The following MMP26 variants were observed in gnomAD, a reference collection of about 807,000 sequenced individuals.
MMP26 encodes matrix metalloproteinase-26.
In MMP26, 33 loss-of-function variants were observed where a neutral mutation model predicts 31.0. The observed-to-expected ratio is 1.06, with a 90% CI of 0.81 to 1.42. The LOEUF (loss-of-function observed/expected upper bound fraction) is 1.42, where lower values mean the gene tolerates loss of function less well. Ranked by LOEUF, MMP26 falls within the 40% of genes most tolerant of loss-of-function variation. The probability of loss-of-function intolerance (pLI) is 0.00; values close to 1 mark genes in which losing one functional copy is unlikely to be tolerated. For synonymous variants in MMP26, 122 were observed against 114.9 expected (o/e 1.06, Z -0.40); for missense variants, 347 against 316.1 (o/e 1.10, Z -0.74).
intron 2 of MMP26, among the ~76,000 whole-genome samples, chr11:4,773,793 C>T (rs989003302): frequency 6.6e-6 from 1 of 152,036 alleles, no homozygotes; most frequent in African/African-American, 2.4e-5. Context: ...TTTGCCCCCA[C>T]CTCACCCCCT....
intron 1 of MMP26, among the ~76,000 whole-genome samples, chr11:4,729,491 C>T (rs1448086771): frequency 6.6e-6 from 1 of 152,136 alleles, no homozygotes; most frequent in African/African-American, 2.4e-5. Flanking sequence ...AACTCCTTGC[C>T]TCACCTTCAG....
chr11:4,839,398 G>A (rs1244475034), intron 2 of MMP26, among the ~76,000 whole-genome samples: 1 of 151,474 alleles, frequency 6.6e-6, no homozygotes, highest in Non-Finnish European at 1.5e-5. Flanking sequence ...CCTAACCCCA[G>A]GCTGCATAGC....
intron 1 of MMP26, chr11:4,723,130 C>T: frequency 6.3e-7 from 1 of 1,589,672 alleles, no homozygotes; most frequent in Non-Finnish European, 8.6e-7. Context: ...GCTCGGACAG[C>T]TTGGAGTTGG....
intron 2 of MMP26, chr11:4,804,149 A>G: frequency 6.2e-7 from 1 of 1,614,152 alleles, no homozygotes; most frequent in Non-Finnish European, 8.5e-7. Flanking sequence ...TGAGTGGAGG[A>G]GGAGAGGACC....
At chr11:4,891,760 C>T (rs1850626437) in intron 2 of MMP26, among the ~76,000 whole-genome samples, 1 of 152,118 alleles carries the variant, frequency 6.6e-6, no homozygotes, top group East Asian at 1.9e-4. Flanking sequence ...AGAAGAGATT[C>T]TTGGATTTTC....
At chr11:4,892,428 C>T (rs1394189968) in intron 2 of MMP26, among the ~76,000 whole-genome samples, 1 of 152,156 alleles carries the variant, frequency 6.6e-6, no homozygotes, top group Non-Finnish European at 1.5e-5. Context: ...ATTTGCATTG[C>T]AACTCTGTTG....
intron 2 of MMP26, among the ~76,000 whole-genome samples, chr11:4,894,183 T>G (rs1850669375): frequency 6.6e-6 from 1 of 152,094 alleles, no homozygotes; most frequent in Non-Finnish European, 1.5e-5. Context: ...GAGATAGGCA[T>G]TAATTTTTAA....
intron 2 of MMP26, among the ~76,000 whole-genome samples, chr11:4,921,498 A>G (rs895086182): frequency 2.0e-5 from 3 of 152,248 alleles, no homozygotes; most frequent in Non-Finnish European, 4.4e-5. Flanking sequence ...GAAACACTGT[A>G]CTAAGAAAAA....
intron 2 of MMP26, chr11:4,946,123 A>G: frequency 6.4e-7 from 1 of 1,554,846 alleles, no homozygotes; most frequent in Non-Finnish European, 8.9e-7. Flanking sequence ...TAAATATCTT[A>G]CCAGACATTT....
In MMP26 at chr11:4,723,910, C is replaced by T. The variant is rs144327280; in HGVS notation, c.-217+18865C>T. The T allele has an allele frequency of 4.2e-3, 4,292 of 1,025,110 alleles. 135 individuals carry two copies. In the African/African-American group the frequency reaches 0.059, roughly 14 times the overall value. The allele number at this position is 1,025,110 out of a possible 1,614,324, so 63.5% of individuals were successfully genotyped here. On this transcript the variant is annotated intron_variant, in intron 1 of 7. Coordinates refer to ENST00000380390, the MANE Select transcript of MMP26 (RefSeq NM_021801.5). ...CTTGATCTGCTCCTTCTCCTGGGTG[C>T]GCATGGCCTGGATGTTGGGATCTAC...
rs3065178 is a variant in MMP26 at position 4,907,095 on chromosome 11, TAAA to T, written c.-144-80955_-144-80953del. Among the ~76,000 whole-genome samples, 37 of 55,128 alleles carry T rather than the reference TAAA, an allele frequency of 6.7e-4. 1 individual carries two copies. The highest frequency in any genetic ancestry group is 1.4e-3 in the African/African-American group (21 of 15,276). 36.2% of individuals were successfully genotyped at this position (55,128 alleles called of 152,430 possible). A position where few individuals can be genotyped will look rare whatever the true frequency, so the allele number is the denominator to read the frequency against. On this transcript the variant is annotated intron_variant, in intron 2 of 7. Transcript: ENST00000380390. The stretch of plus-strand genomic sequence containing the variant: ...TGGGCAACAAGAGCAAAACTCCCTC[TAAA>T]AAAAAAAAAAAAAAAAATCCTAAAA...
intron 2 of MMP26, among the ~76,000 whole-genome samples, chr11:4,842,380 G>T (rs918572595): frequency 6.6e-6 from 1 of 152,138 alleles, no homozygotes; most frequent in African/African-American, 2.4e-5. Context: ...AATTAAAGAG[G>T]TTTCATTGTC....
chr11:4,875,050 A>T (rs1012121371), intron 2 of MMP26: 1 of 152,146 alleles, frequency 6.6e-6, no homozygotes, highest in Non-Finnish European at 1.5e-5. Context: ...CAGTAACCTG[A>T]ACAATGATTG....
intron 2 of MMP26, chr11:4,847,378 C>A (rs994481835): frequency 2.6e-5 from 4 of 152,156 alleles, no homozygotes; most frequent in Middle Eastern, 3.2e-3. Context: ...GTTCACTAAA[C>A]AGATAATTAT....
chr11:4,797,043 T>G (rs1464255439), intron 2 of MMP26, among the ~76,000 whole-genome samples: 3 of 152,116 alleles, frequency 2.0e-5, no homozygotes, highest in Admixed American at 2.0e-4. Flanking sequence ...AACACAGCTT[T>G]CATCATTCAC....
chr11:4,724,355 C>G (rs1848067998), intron 1 of MMP26, among the ~76,000 whole-genome samples: 1 of 152,162 alleles, frequency 6.6e-6, no homozygotes, highest in Admixed American at 6.5e-5. Context: ...CTTGTGACCT[C>G]CTGGTTAGAT....
At chr11:4,867,746 A>T (rs767340902) in intron 2 of MMP26, among the ~76,000 whole-genome samples, 3 of 152,112 alleles carry the variant, frequency 2.0e-5, no homozygotes, top group Non-Finnish European at 2.9e-5. Context: ...AAAACAACAG[A>T]TGCTGGCAAG....
At chr11:4,931,388 G>A (rs1851344839) in intron 2 of MMP26, among the ~76,000 whole-genome samples, 1 of 151,998 alleles carries the variant, frequency 6.6e-6, no homozygotes, top group Non-Finnish European at 1.5e-5. Flanking sequence ...GTTGACTGGA[G>A]GGCTAGAGAT....
chr11:4,751,323 C>T (rs1427125464), intron 1 of MMP26, among the ~76,000 whole-genome samples: 1 of 151,986 alleles, frequency 6.6e-6, no homozygotes, highest in Non-Finnish European at 1.5e-5. Context: ...CACAGGTGTG[C>T]ACACATATAA....
Sources: gnomAD v4.1 joint callset for allele counts (sites outside exome capture counted in the v4.1 genomes callset) on GRCh38, gnomAD v4.1.1 for gene constraint, MANE v1.5 for transcripts, NCBI Gene and HGNC (gene_info 2026-07-23, HGNC 2026-07-21) for gene names.